Variants in NCK2 observed in about 807,000 individuals in gnomAD.
The protein encoded by NCK2 is NCK adaptor protein 2, also known as cytoplasmic protein NCK2.
NCK2 carries 16 observed loss-of-function variants against 33.9 expected under a neutral mutation model. That is an observed-to-expected ratio of 0.47 (90% CI 0.32 to 0.72). The LOEUF (loss-of-function observed/expected upper bound fraction) is 0.72, where lower values mean the gene tolerates loss of function less well. Among genes scored for constraint, NCK2 ranks in the 30% least tolerant of loss-of-function variants. NCK2 has a pLI of 0.03. For missense variants in NCK2, 418 were observed against 537.3 expected (o/e 0.78, Z 2.19); for synonymous variants, 273 against 239.9 (o/e 1.14, Z -1.27).
intron 1 of NCK2, among the ~76,000 whole-genome samples, chr2:105,756,363 T>G (rs1230804463): frequency 6.6e-6 from 1 of 152,242 alleles, no homozygotes; most frequent in Admixed American, 6.5e-5. Flanking sequence ...TCAGTCATCC[T>G]ATCTCATATG....
intron 3 of NCK2, among the ~76,000 whole-genome samples, chr2:105,865,564 G>C (rs529474712): frequency 2.0e-4 from 30 of 152,284 alleles, no homozygotes; most frequent in African/African-American, 7.0e-4. Flanking sequence ...AAAATGCTAA[G>C]GGAACAGTTC....
At chr2:105,820,359 G>A (rs1485247976) in intron 2 of NCK2, among the ~76,000 whole-genome samples, 1 of 152,250 alleles carries the variant, frequency 6.6e-6, no homozygotes, top group East Asian at 1.9e-4. Flanking sequence ...TGGTAGAACA[G>A]TAAGCGGGAT....
chr2:105,751,987 TA>T (rs1689468644), intron 1 of NCK2, among the ~76,000 whole-genome samples: 3 of 152,228 alleles, frequency 2.0e-5, no homozygotes, highest in African/African-American at 7.2e-5. Context: ...AATATATATA[TA>T]AACTCTATGT....
At chr2:105,798,412 A>G (rs1691160341) in intron 1 of NCK2, among the ~76,000 whole-genome samples, 1 of 152,130 alleles carries the variant, frequency 6.6e-6, no homozygotes, top group Non-Finnish European at 1.5e-5. Flanking sequence ...TTATAAAATG[A>G]AGAGATCTGT....
chr2:105,832,192 G>T lies in NCK2; in HGVS notation c.-17+15579G>T, dbSNP rs79965424. 6.0e-3 allele frequency among the ~76,000 whole-genome samples: 913 copies of T among 152,208 alleles called. 13 individuals are homozygous for T. Among genetic ancestry groups the T allele is most frequent in the African/African-American group, 0.02 (820 of 41,522 alleles). The stretch of plus-strand genomic sequence containing the variant: ...TCAGCTAGTTTGTTATTGGTATATA[G>T]AAGAAACACTACTGATTTTTGTATG... On this transcript the variant is annotated intron_variant, in intron 2 of 4. Transcript: ENST00000233154.
intron 2 of NCK2, among the ~76,000 whole-genome samples, chr2:105,848,204 C>T (rs375814417): frequency 1.3e-5 from 2 of 152,166 alleles, no homozygotes; most frequent in Non-Finnish European, 2.9e-5. Context: ...TAATCCTCAC[C>T]GAAGCTCTGA....
intron 2 of NCK2, among the ~76,000 whole-genome samples, chr2:105,829,989 TC>T (rs1408648357): frequency 6.6e-6 from 1 of 152,244 alleles, no homozygotes; most frequent in Non-Finnish European, 1.5e-5. Context: ...TTCTAATTGT[TC>T]CTATTAATAG....
chr2:105,764,288 G>C (rs928228695), intron 1 of NCK2, among the ~76,000 whole-genome samples: 3 of 152,260 alleles, frequency 2.0e-5, no homozygotes, highest in Non-Finnish European at 2.9e-5. Context: ...GCAGGTTAAG[G>C]AGAGCCTGTG....
intron 1 of NCK2, among the ~76,000 whole-genome samples, chr2:105,763,418 G>A (rs1186124749): frequency 1.3e-5 from 2 of 152,102 alleles, no homozygotes; most frequent in Non-Finnish European, 2.9e-5. Flanking sequence ...ATGCAGTAAC[G>A]ACAAAACATG....
chr2:105,763,676 C>A (rs1223474282), intron 1 of NCK2, among the ~76,000 whole-genome samples: 2 of 152,090 alleles, frequency 1.3e-5, no homozygotes, highest in Non-Finnish European at 2.9e-5. Context: ...ATAATAACTT[C>A]CAGTATCAGG....
chr2:105,819,349 T>C (rs1390574301), intron 2 of NCK2, among the ~76,000 whole-genome samples: 2 of 151,048 alleles, frequency 1.3e-5, no homozygotes, highest in South Asian at 2.1e-4. Context: ...AAAAAAGTCA[T>C]TGGGGTAGAA....
At chr2:105,816,012 G>C (rs1006572041) in intron 1 of NCK2, among the ~76,000 whole-genome samples, 4 of 152,156 alleles carry the variant, frequency 2.6e-5, no homozygotes, top group Non-Finnish European at 5.9e-5. Flanking sequence ...CGGGTGTGTG[G>C]TTGGCCCTCC....
rs1292673543 is a variant in NCK2 at position 105,772,662 on chromosome 2, T to C, written c.-201+27524T>C. ...GGGAATAAGTCAATGACAAAAACAC[T>C]GTGCTTCTGACTTCAGGGAGGCTCA... On this transcript the variant is annotated intron_variant, in intron 1 of 4. Transcript: ENST00000233154. 2.6e-5 allele frequency among the ~76,000 whole-genome samples: 4 copies of C among 152,170 alleles called. No individual in the cohort carries two copies. In the East Asian group the frequency reaches 5.8e-4, roughly 22 times the overall value.
At chr2:105,872,026 T>C (rs190851904) in intron 3 of NCK2, among the ~76,000 whole-genome samples, 96 of 152,346 alleles carry the variant, frequency 6.3e-4, no homozygotes, top group African/African-American at 2.2e-3. Context: ...TACTGCTTTT[T>C]CTCCATGGTG....
chr2:105,804,127 C>A (rs1674944736), intron 1 of NCK2, among the ~76,000 whole-genome samples: 1 of 152,096 alleles, frequency 6.6e-6, no homozygotes, highest in Admixed American at 6.5e-5. Flanking sequence ...TTACTAATTT[C>A]AAGGGTGTAC....
intron 1 of NCK2, among the ~76,000 whole-genome samples, chr2:105,794,175 A>G (rs1690995229): frequency 6.6e-6 from 1 of 151,584 alleles, no homozygotes; most frequent in Non-Finnish European, 1.5e-5. Flanking sequence ...CAGCCTCCCA[A>G]GTAGCTGGGA....
At chr2:105,873,196 C>T (rs1163262015) in intron 3 of NCK2, among the ~76,000 whole-genome samples, 1 of 152,202 alleles carries the variant, frequency 6.6e-6, no homozygotes, top group Non-Finnish European at 1.5e-5. Context: ...TAAATTTGAC[C>T]TTGTCTGAAA....
intron 2 of NCK2, among the ~76,000 whole-genome samples, chr2:105,827,062 C>T (rs35048252): frequency 0.21 from 31,107 of 151,664 alleles, 3,768 homozygotes; most frequent in East Asian, 0.33. Flanking sequence ...TGCAGTGGCA[C>T]GATCTCGGCT....
intron 1 of NCK2, among the ~76,000 whole-genome samples, chr2:105,780,323 T>TACAC (rs1474176606): frequency 6.8e-5 from 7 of 102,696 alleles, no homozygotes; most frequent in African/African-American, 1.3e-4. Flanking sequence ...GAGAGAGATA[T>TACAC]ATACACACAC....
Sources: gnomAD v4.1 joint callset for allele counts (sites outside exome capture counted in the v4.1 genomes callset) on GRCh38, gnomAD v4.1.1 for gene constraint, MANE v1.5 for transcripts, NCBI Gene and HGNC (gene_info 2026-07-23, HGNC 2026-07-21) for gene names.